WWOX: variants seen among roughly 807,000 people sequenced by gnomAD.
The protein encoded by WWOX is WW domain-containing oxidoreductase.
In WWOX, 69 loss-of-function variants were observed where a neutral mutation model predicts 46.2. The observed-to-expected ratio is 1.49, with a 90% CI of 1.23 to 1.82. WWOX has a LOEUF of 1.82. Ranked by LOEUF, WWOX falls within the 40% of genes most tolerant of loss-of-function variation. The pLI, the probability that WWOX is intolerant of heterozygous loss-of-function variation, is 0.00. For synonymous variants in WWOX, 359 were observed against 202.6 expected, an observed-to-expected ratio of 1.77 and a Z score of -6.56; for missense variants, 919 against 542.6, an observed-to-expected ratio of 1.69 and a Z score of -6.89.
chr16:78,774,807 C>T (rs2050150395), intron 8 of WWOX, among the ~76,000 whole-genome samples: 1 of 152,242 alleles, frequency 6.6e-6, no homozygotes, highest in Admixed American at 6.5e-5. Context: ...GTGAGGTGCT[C>T]CCAGGAGATC....
At chr16:78,959,255 A>G (rs2046227707) in intron 8 of WWOX, among the ~76,000 whole-genome samples, 1 of 152,242 alleles carries the variant, frequency 6.6e-6, no homozygotes, top group African/African-American at 2.4e-5. Context: ...AGACTTAGAA[A>G]TAAGGGCATT....
intron 8 of WWOX, among the ~76,000 whole-genome samples, chr16:78,494,926 C>G (rs940063998): frequency 3.9e-5 from 6 of 152,148 alleles, no homozygotes; most frequent in Non-Finnish European, 7.3e-5. Flanking sequence ...GTTATTTCCT[C>G]TTTCGGTACT....
intron 4 of WWOX, among the ~76,000 whole-genome samples, chr16:78,160,979 G>A (rs1260238207): frequency 6.6e-6 from 1 of 151,958 alleles, no homozygotes; most frequent in African/African-American, 2.4e-5. Context: ...TATAAATTTA[G>A]AATTGTCATG....
chr16:78,749,781 C>T (rs1463447386), intron 8 of WWOX, among the ~76,000 whole-genome samples: 1 of 152,186 alleles, frequency 6.6e-6, no homozygotes, highest in African/African-American at 2.4e-5. Flanking sequence ...ACCTGAAATG[C>T]AACTGTACTT....
chr16:78,125,534 C>T (rs191284291), intron 4 of WWOX, among the ~76,000 whole-genome samples: 1 of 152,238 alleles, frequency 6.6e-6, no homozygotes, highest in East Asian at 1.9e-4. Context: ...AGGCAGATGT[C>T]ATTTCCAGAC....
At chr16:78,984,664 C>T (rs956338905) in intron 8 of WWOX, among the ~76,000 whole-genome samples, 4 of 152,238 alleles carry the variant, frequency 2.6e-5, no homozygotes, top group Non-Finnish European at 5.9e-5. Context: ...AACATACAAA[C>T]TGACCCTTAG....
chr16:78,424,824 G>A (rs1428761494), intron 6 of WWOX, 46 bp from the exon 7 acceptor site: 3 of 1,608,230 alleles, frequency 1.9e-6, no homozygotes, highest in South Asian at 1.1e-5. Context: ...ATTATCCTTG[G>A]TTGTAGTGTT....
intron 5 of WWOX, among the ~76,000 whole-genome samples, chr16:78,309,644 C>G (rs944331969): frequency 6.6e-6 from 1 of 152,188 alleles, no homozygotes; most frequent in African/African-American, 2.4e-5. Flanking sequence ...CTGTCTTAGG[C>G]TTTGTTCACT....
At chr16:78,584,941 C>T (rs1237211776) in intron 8 of WWOX, among the ~76,000 whole-genome samples, 1 of 152,224 alleles carries the variant, frequency 6.6e-6, no homozygotes, top group East Asian at 1.9e-4. Flanking sequence ...TCAAAGCACA[C>T]AGTGGGTTTT....
rs1224892582 is a variant in WWOX at position 78,941,424 on chromosome 16, C to T, written c.1057-270184C>T. Among the ~76,000 whole-genome samples, 67 of 151,910 alleles carry T rather than the reference C, an allele frequency of 4.4e-4. 1 individual carries two copies. The highest frequency in any genetic ancestry group is 4.4e-3 in the Admixed American group (67 of 15,270). On this transcript the variant is annotated intron_variant, in intron 8 of 8. Transcript: ENST00000566780. Reference sequence around the variant, plus strand: ...TGGAGACAGAGCGTTAGCCGTTGCTCCTCGTAAGCGCATCATTACCTTCCT... The same window carrying T: ...TGGAGACAGAGCGTTAGCCGTTGCTTCTCGTAAGCGCATCATTACCTTCCT...
intron 6 of WWOX, among the ~76,000 whole-genome samples, chr16:78,413,732 C>T (rs541274362): frequency 2.2e-4 from 33 of 151,908 alleles, no homozygotes; most frequent in African/African-American, 7.7e-4. Flanking sequence ...GATGAAATCA[C>T]AGGGAATCAA....
intron 5 of WWOX, among the ~76,000 whole-genome samples, chr16:78,252,025 G>A (rs903396633): frequency 6.6e-6 from 1 of 152,190 alleles, no homozygotes; most frequent in African/African-American, 2.4e-5. Context: ...GACTTGTAAA[G>A]TAAATTGCAG....
At chr16:78,254,238 A>G (rs910110134) in intron 5 of WWOX, among the ~76,000 whole-genome samples, 1 of 151,468 alleles carries the variant, frequency 6.6e-6, no homozygotes, top group Admixed American at 6.6e-5. Flanking sequence ...ATTTTTTTTG[A>G]AACTATTTGT....
At position 78,425,010 on chromosome 16, in the gene WWOX, G is replaced by T. The variant is rs756703833; in HGVS notation, c.746G>T (p.Arg249Leu). Residue 249 changes from arginine (R) to leucine (L), a missense_variant, in exon 7 of 9, where the codon CGC becomes CTC. Arg to Leu is a moderately radical substitution (Grantham distance 102). Transcript: ENST00000566780. Reference sequence around the variant, plus strand: ...CAGCTCCTCCAGGATGTTTTGTGCCGCTCAGCTCCTGCCCGTGTCATTGTG... The same window carrying T: ...CAGCTCCTCCAGGATGTTTTGTGCCTCTCAGCTCCTGCCCGTGTCATTGTG... Reference protein sequence around the residue: ...LVQLLQDVLCRSAPARVIVVS... With the variant: ...LVQLLQDVLCLSAPARVIVVS... 2 of 1,613,912 alleles carry T rather than the reference G, an allele frequency of 1.2e-6. No individual in the cohort carries two copies. The highest frequency in any genetic ancestry group is 1.3e-5 in the African/African-American group (1 of 74,914).
chr16:78,859,774 T>G (rs182095272), intron 8 of WWOX, among the ~76,000 whole-genome samples: 9 of 152,152 alleles, frequency 5.9e-5, no homozygotes, highest in African/African-American at 9.7e-5. Flanking sequence ...TTTCAAAGGA[T>G]GGACATCGAT....
chr16:78,968,933 A>C (rs1237115687), intron 8 of WWOX, among the ~76,000 whole-genome samples: 3 of 151,260 alleles, frequency 2.0e-5, no homozygotes, highest in Admixed American at 1.3e-4. Flanking sequence ...AAAAAAAAAG[A>C]CAACTTGAAA....
chr16:78,939,406 G>A (rs778931837), intron 8 of WWOX, among the ~76,000 whole-genome samples: 14 of 152,088 alleles, frequency 9.2e-5, no homozygotes, highest in African/African-American at 7.2e-5. Flanking sequence ...CATTACTTTT[G>A]ATTCTTGGTT....
chr16:78,100,760 ACT>A (rs1292348396), intron 1 of WWOX, among the ~76,000 whole-genome samples: 1 of 152,096 alleles, frequency 6.6e-6, no homozygotes, highest in Non-Finnish European at 1.5e-5. Context: ...TCTAGTAGGT[ACT>A]CTCTGTTCCT....
At chr16:78,743,705 G>A (rs1245295012) in intron 8 of WWOX, among the ~76,000 whole-genome samples, 1 of 152,094 alleles carries the variant, frequency 6.6e-6, no homozygotes. Context: ...TTGCATAGGA[G>A]CTGTAACTTT....
Sources: allele counts gnomAD v4.1 joint callset (sites outside exome capture counted in the v4.1 genomes callset), GRCh38; gene constraint gnomAD v4.1.1; transcripts MANE v1.5; gene names NCBI Gene and HGNC (gene_info 2026-07-23, HGNC 2026-07-21).